The following SARS2 variants were observed in gnomAD, a reference collection of about 807,000 sequenced individuals.
The protein encoded by SARS2 is seryl-tRNA synthetase 2, mitochondrial, also known as serine--tRNA ligase, mitochondrial.
SARS2 carries 52 observed loss-of-function variants against 66.8 expected under a neutral mutation model. The ratio of observed to expected loss-of-function variants is 0.78; its 90% confidence interval spans 0.62 to 0.98. The LOEUF (loss-of-function observed/expected upper bound fraction) is 0.98, where lower values mean the gene tolerates loss of function less well. SARS2 is among the 50% of genes least tolerant of loss of function. The probability of loss-of-function intolerance (pLI) is 0.00; values close to 1 mark genes in which losing one functional copy is unlikely to be tolerated. For synonymous variants in SARS2, 306 were observed against 281.4 expected (o/e 1.09, Z -0.87); for missense variants, 673 against 706.3 (o/e 0.95, Z 0.53).
chr19:38,918,300 A>T, intron 9 of SARS2, 122 bp downstream of exon 9: 1 of 1,162,672 alleles, frequency 8.6e-7, no homozygotes, highest in South Asian at 1.3e-5. Flanking sequence ...ACAGCCGTAC[A>T]TGTTGGCCCT....
intron 3 of SARS2, 67 bp downstream of exon 3, chr19:38,922,171 C>G: frequency 6.2e-7 from 1 of 1,600,150 alleles, no homozygotes; most frequent in Non-Finnish European, 8.6e-7. Context: ...ATAGTAGAAT[C>G]GTGACTGGCA....
chr19:38,925,643 C>T (rs1974613879), intron 2 of SARS2, among the ~76,000 whole-genome samples: 1 of 152,176 alleles, frequency 6.6e-6, no homozygotes. Context: ...CAGCAGCCAT[C>T]TGGAAACCCT....
chr19:38,927,330 A>T (rs948839170), intron 1 of SARS2, among the ~76,000 whole-genome samples: 5 of 151,820 alleles, frequency 3.3e-5, no homozygotes, highest in Non-Finnish European at 5.9e-5. Flanking sequence ...ATAATATGGG[A>T]GGCTGAGGCA....
intron 12 of SARS2, among the ~76,000 whole-genome samples, chr19:38,917,350 G>C (rs1299134854): frequency 1.3e-5 from 2 of 152,250 alleles, no homozygotes; most frequent in Non-Finnish European, 2.9e-5. Flanking sequence ...GACAGGGTGA[G>C]AGGAAGTGGG....
chr19:38,922,145 G>C, intron 3 of SARS2, 93 bp downstream of exon 3: 1 of 1,598,690 alleles, frequency 6.3e-7, no homozygotes, highest in Non-Finnish European at 8.6e-7. Flanking sequence ...ACCTGTTTGA[G>C]TTGTTTTCTG....
intron 3 of SARS2, 113 bp from the exon 4 acceptor site, chr19:38,921,780 C>A: frequency 6.8e-7 from 1 of 1,470,658 alleles, no homozygotes; most frequent in Non-Finnish European, 9.2e-7. Flanking sequence ...GCCTCTTCTC[C>A]AGGCCCAGGA....
chr19:38,930,442 G>T, intron 1 of SARS2, 28 bp downstream of exon 1: 1 of 1,577,434 alleles, frequency 6.3e-7, no homozygotes, highest in African/African-American at 1.4e-5. Flanking sequence ...AAACGTCTGC[G>T]CCCCCCGGCC....
intron 9 of SARS2, 25 bp from the exon 10 acceptor site, chr19:38,918,164 G>A (rs1456950839): frequency 6.3e-7 from 1 of 1,579,846 alleles, no homozygotes; most frequent in Non-Finnish European, 8.6e-7. Flanking sequence ...CACAGGGTGA[G>A]CCAGGGCTGC....
chr19:38,921,234 C>T (rs888180121), intron 5 of SARS2, among the ~76,000 whole-genome samples, 158 bp downstream of exon 5: 10 of 152,186 alleles, frequency 6.6e-5, no homozygotes, highest in Admixed American at 2.0e-4. Flanking sequence ...AGAGACAGCT[C>T]GAGCTCGGCC....
intron 1 of SARS2, among the ~76,000 whole-genome samples, chr19:38,927,308 G>A (rs929314453): frequency 2.0e-5 from 3 of 151,708 alleles, no homozygotes; most frequent in Non-Finnish European, 1.5e-5. Flanking sequence ...AAAAAAAATT[G>A]TTACAATGTA....
chr19:38,925,692 C>T (rs1435044298), intron 2 of SARS2, among the ~76,000 whole-genome samples: 1 of 152,068 alleles, frequency 6.6e-6, no homozygotes, highest in Non-Finnish European at 1.5e-5. Flanking sequence ...GTGAAGTTGC[C>T]GGTACAGAGA....
chr19:38,923,937 G>A (rs1306299638), intron 2 of SARS2, among the ~76,000 whole-genome samples: 1 of 151,528 alleles, frequency 6.6e-6, no homozygotes, highest in African/African-American at 2.4e-5. Flanking sequence ...TAGTGCCACT[G>A]CAGTCTGGCC....
At position 38,919,847 on chromosome 19, in the gene SARS2, C is replaced by T; in HGVS notation, c.674G>A (p.Gly225Asp). ...IRQKRLSHVSGHRSYYLRGAG... is the reference protein window; with the variant it reads ...IRQKRLSHVSDHRSYYLRGAG... Reference sequence around the variant, plus strand: ...CCCGCGCAGGTAATAGGACCGGTGGCCAGACACGTGGGACAGGCGCCTGGG... The same window carrying T: ...CCCGCGCAGGTAATAGGACCGGTGGTCAGACACGTGGGACAGGCGCCTGGG... Residue 225 changes from glycine (G) to aspartate (D), a missense_variant, in exon 7 of 16, where the codon GGC (glycine) becomes GAC (aspartate). Gly to Asp is a moderately conservative substitution (Grantham distance 94). Transcript: ENST00000221431. The T allele has an allele frequency of 6.2e-7, 1 of 1,614,064 alleles. No homozygotes were observed. Among genetic ancestry groups the T allele is most frequent in the Non-Finnish European group, 8.5e-7 (1 of 1,179,974 alleles).
At chr19:38,929,155 C>T (rs574010853) in intron 1 of SARS2, among the ~76,000 whole-genome samples, 9 of 151,602 alleles carry the variant, frequency 5.9e-5, no homozygotes, top group Admixed American at 2.6e-4. Flanking sequence ...AGGCAGAAGT[C>T]GCAGCGCACT....
intron 7 of SARS2, among the ~76,000 whole-genome samples, chr19:38,919,077 C>T (rs1191971818): frequency 2.0e-5 from 3 of 151,900 alleles, no homozygotes; most frequent in South Asian, 2.1e-4. Flanking sequence ...GCATGGAGAT[C>T]GTGCTACTGC....
intron 3 of SARS2, 39 bp from the exon 4 acceptor site, chr19:38,921,706 C>T: frequency 6.2e-7 from 1 of 1,611,978 alleles, no homozygotes. Context: ...GGGAGAGGGT[C>T]AGGACTCCCT....
At position 38,918,929 on chromosome 19, in the gene SARS2, G is replaced by A. The variant is rs370206445; in HGVS notation, c.760-116C>T. ...CTCCTCAGACGAAACTGAGGCAGGG[G>A]CTGGCGCAGTGGCTCACCCATGTAA... On this transcript the variant is annotated intron_variant, in intron 7 of 15. Transcript: ENST00000221431. 7.6e-6 allele frequency: 8 copies of A among 1,053,004 alleles called. No individual in the cohort carries two copies. In the African/African-American group the frequency reaches 1.3e-4, roughly 17 times the overall value. The allele number at this position is 1,053,004 out of a possible 1,614,324, so 65.2% of individuals were successfully genotyped here.
At position 38,916,141 on chromosome 19, in the gene SARS2, G is replaced by A; in HGVS notation, c.1255-12C>T. ...GAAGCACTGGTGACCTGGGGTGGAG[G>A]AGCGGCAGGCTGAGCGGATCAGGGA... On this transcript the variant is annotated splice_polypyrimidine_tract_variant and intron_variant, in intron 13 of 15. Coordinates refer to ENST00000221431, the MANE Select transcript of SARS2 (RefSeq NM_017827.4). 1 of 1,613,830 alleles carries A rather than the reference G, an allele frequency of 6.2e-7. No homozygotes were observed. The highest frequency in any genetic ancestry group is 8.5e-7 in the Non-Finnish European group (1 of 1,179,910).
At chr19:38,922,195 G>T (rs1469191625) in intron 3 of SARS2, 43 bp downstream of exon 3, 1 of 1,609,566 alleles carries the variant, frequency 6.2e-7, no homozygotes, top group Non-Finnish European at 8.5e-7. Flanking sequence ...TATCCTCCCT[G>T]CCCACCCCCA....
Sources: allele counts gnomAD v4.1 joint callset (sites outside exome capture counted in the v4.1 genomes callset), GRCh38; gene constraint gnomAD v4.1.1; transcripts MANE v1.5; gene names NCBI Gene and HGNC (gene_info 2026-07-23, HGNC 2026-07-21).